Variants in GSK3B observed in about 807,000 individuals in gnomAD.
GSK3B encodes glycogen synthase kinase 3 beta, also known as glycogen synthase kinase-3 beta.
A neutral mutation model predicts 56.4 loss-of-function variants in GSK3B; 15 were observed. The ratio of observed to expected loss-of-function variants is 0.27; its 90% CI spans 0.18 to 0.41. The LOEUF is 0.41. GSK3B is among the 10% of genes least tolerant of loss of function. The pLI, the probability that GSK3B is intolerant of heterozygous loss-of-function variation, is 1.00. For missense variants in GSK3B, 300 were observed against 513.4 expected, an observed-to-expected ratio of 0.58 and a Z score of 4.02; for synonymous variants, 181 against 188.9, an observed-to-expected ratio of 0.96 and a Z score of 0.34.
chr3:119,837,610 A>AT (rs1218734222), intron 10 of GSK3B, among the ~76,000 whole-genome samples: 1 of 152,130 alleles, frequency 6.6e-6, no homozygotes, highest in Admixed American at 6.5e-5. Flanking sequence ...TTTTAACAGC[A>AT]GAACCATTGC....
At chr3:119,838,148 G>A (rs975503556) in intron 10 of GSK3B, among the ~76,000 whole-genome samples, 4 of 151,592 alleles carry the variant, frequency 2.6e-5, no homozygotes, top group Admixed American at 6.6e-5. Context: ...AATTAGCAGG[G>A]TATGGTAGTG....
intron 5 of GSK3B, among the ~76,000 whole-genome samples, chr3:119,914,063 C>A (rs937498255): frequency 1.3e-5 from 2 of 152,008 alleles, no homozygotes; most frequent in African/African-American, 4.8e-5. Context: ...TTTTTCACTA[C>A]CTGATGGAGC....
chr3:120,077,675 CTA>C (rs140499519), intron 1 of GSK3B, among the ~76,000 whole-genome samples: 3,929 of 151,942 alleles, frequency 0.026, 172 homozygotes, highest in African/African-American at 0.089. Context: ...GGGTGGGTAA[CTA>C]TGTGAGATGG....
At chr3:120,080,541 T>C (rs2058410533) in intron 1 of GSK3B, among the ~76,000 whole-genome samples, 1 of 151,980 alleles carries the variant, frequency 6.6e-6, no homozygotes, top group South Asian at 2.1e-4. Flanking sequence ...CTTGTAAAAA[T>C]TAGTTTCGGC....
intron 2 of GSK3B, among the ~76,000 whole-genome samples, chr3:120,001,415 C>A (rs1273963701): frequency 6.6e-6 from 1 of 152,286 alleles, no homozygotes; most frequent in East Asian, 1.9e-4. Context: ...GGATCTCCCC[C>A]TTCATGCTCT....
chr3:119,878,131 C>G lies in GSK3B; in HGVS notation c.814-1623G>C, dbSNP rs147271846. Among the ~76,000 whole-genome samples the G allele has an allele frequency of 4.3e-3, 656 of 152,116 alleles. 4 individuals are homozygous for G. Among genetic ancestry groups the G allele is most frequent in the African/African-American group, 0.015 (632 of 41,508 alleles). Reference sequence around the variant, plus strand: ...GACACTGCTAAAACTTTCAGAACTTCATTCAAATTTTAAAAAGTTTGTTCT... The same window carrying G: ...GACACTGCTAAAACTTTCAGAACTTGATTCAAATTTTAAAAAGTTTGTTCT... On this transcript the variant is annotated intron_variant, in intron 7 of 10. Coordinates refer to ENST00000264235, the MANE Select transcript of GSK3B (RefSeq NM_001146156.2).
intron 2 of GSK3B, among the ~76,000 whole-genome samples, chr3:119,954,256 A>C (rs2057188168): frequency 7.0e-6 from 1 of 143,646 alleles, no homozygotes; most frequent in African/African-American, 2.7e-5. Context: ...ATAGAATAGA[A>C]TAGAATAGAA....
At chr3:120,072,504 T>G (rs1295765626) in intron 1 of GSK3B, among the ~76,000 whole-genome samples, 2 of 152,112 alleles carry the variant, frequency 1.3e-5, no homozygotes, top group Non-Finnish European at 2.9e-5. Context: ...GGAGAATCGC[T>G]TGAACCTGAG....
intron 1 of GSK3B, among the ~76,000 whole-genome samples, chr3:120,007,629 A>C (rs528346043): frequency 6.6e-6 from 1 of 152,342 alleles, no homozygotes; most frequent in African/African-American, 2.4e-5. Context: ...AAATCAATAA[A>C]TGTAATCCAT....
chr3:120,015,544 G>C (rs962270974), intron 1 of GSK3B, among the ~76,000 whole-genome samples: 29 of 150,922 alleles, frequency 1.9e-4, no homozygotes, highest in Non-Finnish European at 2.9e-5. Context: ...CAGCTACTCG[G>C]GAGGCTGAGG....
At chr3:120,055,363 C>T (rs1030256699) in intron 1 of GSK3B, among the ~76,000 whole-genome samples, 5 of 152,108 alleles carry the variant, frequency 3.3e-5, no homozygotes, top group African/African-American at 1.2e-4. Flanking sequence ...AAATAACCTC[C>T]ATAACCTGTG....
intron 3 of GSK3B, among the ~76,000 whole-genome samples, chr3:119,928,609 AAAT>A (rs374693754): frequency 0.11 from 13,171 of 122,820 alleles, 1,201 homozygotes; most frequent in East Asian, 0.23. Flanking sequence ...CATATCAAAA[AAAT>A]AAAAAAAAAA....
At position 120,076,138 on chromosome 3, in the gene GSK3B, G is replaced by A. The variant is rs142524605; in HGVS notation, c.88+17209C>T. Among the ~76,000 whole-genome samples the A allele has an allele frequency of 4.8e-3, 736 of 152,062 alleles. 5 individuals are homozygous for A. Among genetic ancestry groups the A allele is most frequent in the Non-Finnish European group, 8.1e-3 (548 of 68,004 alleles). ...CACAATTCTTCAATAAATGGTGTTG[G>A]GAAAAATGGATTTCCACATGCAAAA... On this transcript the variant is annotated intron_variant, in intron 1 of 10. Coordinates refer to ENST00000264235, the MANE Select transcript of GSK3B (RefSeq NM_001146156.2).
At chr3:120,036,390 C>T (rs1017251515) in intron 1 of GSK3B, among the ~76,000 whole-genome samples, 7 of 152,176 alleles carry the variant, frequency 4.6e-5, no homozygotes, top group African/African-American at 1.4e-4. Flanking sequence ...TTCTGATCAT[C>T]AGTTTTGTTG....
chr3:119,971,353 A>C (rs1450918225), intron 2 of GSK3B, among the ~76,000 whole-genome samples: 1 of 152,188 alleles, frequency 6.6e-6, no homozygotes, highest in East Asian at 1.9e-4. Flanking sequence ...TAAATTTTAA[A>C]TGTATTAAAA....
intron 1 of GSK3B, among the ~76,000 whole-genome samples, chr3:120,055,687 G>A (rs549645223): frequency 1.1e-3 from 169 of 152,256 alleles, no homozygotes; most frequent in Non-Finnish European, 2.0e-3. Flanking sequence ...TCAATGAACA[G>A]TGAGCTTCTC....
chr3:120,084,406 T>C (rs913271849), intron 1 of GSK3B, among the ~76,000 whole-genome samples: 2 of 152,178 alleles, frequency 1.3e-5, no homozygotes, highest in Non-Finnish European at 2.9e-5. Flanking sequence ...ACAGCTGTCA[T>C]AGCCAATGTT....
intron 2 of GSK3B, among the ~76,000 whole-genome samples, chr3:119,988,371 A>G (rs2057535109): frequency 6.6e-6 from 1 of 152,150 alleles, no homozygotes; most frequent in Admixed American, 6.5e-5. Context: ...GTTTCTCTCT[A>G]CCTGATTTTC....
At chr3:119,987,092 C>A (rs937200832) in intron 2 of GSK3B, among the ~76,000 whole-genome samples, 1 of 152,118 alleles carries the variant, frequency 6.6e-6, no homozygotes, top group African/African-American at 2.4e-5. Flanking sequence ...AACCAAAGAC[C>A]GCATGTTCTC....
Sources: allele counts gnomAD v4.1 joint callset (sites outside exome capture counted in the v4.1 genomes callset), GRCh38; gene constraint gnomAD v4.1.1; transcripts MANE v1.5; gene names NCBI Gene and HGNC (gene_info 2026-07-23, HGNC 2026-07-21).